TIMP2: variants seen among roughly 807,000 people sequenced by gnomAD.
TIMP2 encodes TIMP metallopeptidase inhibitor 2, also known as metalloproteinase inhibitor 2.
A neutral mutation model predicts 24.3 loss-of-function variants in TIMP2; 5 were observed. The observed-to-expected ratio is 0.21, with a 90% CI of 0.11 to 0.43. The LOEUF (loss-of-function observed/expected upper bound fraction) is 0.43, where lower values mean the gene tolerates loss of function less well. Among genes scored for constraint, TIMP2 ranks in the 20% least tolerant of loss-of-function variants. TIMP2 has a pLI of 1.00. For synonymous variants in TIMP2, 130 were observed against 123.2 expected, an observed-to-expected ratio of 1.06 and a Z score of -0.37; for missense variants, 221 against 297.5, an observed-to-expected ratio of 0.74 and a Z score of 1.89.
chr17:78,871,140 G>A, intron 2 of TIMP2, 134 bp from the exon 3 acceptor site: 2 of 641,314 alleles, frequency 3.1e-6, no homozygotes, highest in East Asian at 5.7e-5. Context: ...ACCAGGAAGT[G>A]CAAATACATG....
chr17:78,880,071 G>A (rs977948712), intron 1 of TIMP2, among the ~76,000 whole-genome samples: 2 of 152,134 alleles, frequency 1.3e-5, no homozygotes, highest in Non-Finnish European at 2.9e-5. Context: ...ACAGTGAAGG[G>A]GGCTTGCTGG....
intron 1 of TIMP2, among the ~76,000 whole-genome samples, chr17:78,917,062 C>A (rs1179757185): frequency 6.6e-6 from 1 of 152,194 alleles, no homozygotes; most frequent in East Asian, 1.9e-4. Context: ...ACCAGCCTGG[C>A]CGACAGGGTG....
At chr17:78,908,927 G>T (rs1052957304) in intron 1 of TIMP2, among the ~76,000 whole-genome samples, 1 of 152,170 alleles carries the variant, frequency 6.6e-6, no homozygotes, top group African/African-American at 2.4e-5. Context: ...GGGCAGGCTG[G>T]TCCTTGGCTT....
chr17:78,870,214 G>A (rs1056020656), intron 3 of TIMP2, among the ~76,000 whole-genome samples: 1 of 152,104 alleles, frequency 6.6e-6, no homozygotes, highest in East Asian at 1.9e-4. Context: ...TCAGGAGTTC[G>A]AGACCAGCCT....
At position 78,873,851 on chromosome 17, in the gene TIMP2, T is replaced by C; in HGVS notation, c.199A>G (p.Lys67Glu). The C allele has an allele frequency of 6.2e-7, 1 of 1,613,252 alleles. No individual in the cohort carries two copies. Residue 67 changes from lysine (K) to glutamate (E), a missense_variant, in exon 2 of 5, where the codon AAG becomes GAG. Physicochemically the swap from Lys to Glu is moderately conservative, Grantham distance 56 (BLOSUM62 1). Coordinates refer to ENST00000262768, the MANE Select transcript of TIMP2 (RefSeq NM_003255.5). ...SGNDIYGNPIKRIQYEIKQIK... is the reference protein window; with the variant it reads ...SGNDIYGNPIERIQYEIKQIK... ...TGCTTGATCTCATACTGGATCCTCT[T>C]GATAGGGTTGCCATAAATGTCGTTT...
chr17:78,893,501 G>A (rs72851227), intron 1 of TIMP2, among the ~76,000 whole-genome samples: 5,301 of 149,740 alleles, frequency 0.035, 128 homozygotes, highest in East Asian at 0.061. Context: ...GTGTGTGCGC[G>A]CAGGGGTGTG....
intron 1 of TIMP2, among the ~76,000 whole-genome samples, chr17:78,881,538 C>T (rs895737163): frequency 2.6e-5 from 4 of 152,264 alleles, no homozygotes; most frequent in Admixed American, 1.3e-4. Flanking sequence ...CTCCACACTG[C>T]GTAGACGCAA....
In TIMP2 at chr17:78,854,911, A is replaced by G. The variant is rs1472003150; in HGVS notation, c.*756T>C. The G allele has an allele frequency of 6.1e-4, 4 of 6,580 alleles. No individual in the cohort carries two copies. The highest frequency in any genetic ancestry group is 6.1e-3 in the South Asian group (1 of 164). The allele number at this position is 6,580 out of a possible 1,614,324, so 0.4% of individuals were successfully genotyped here. A position where few individuals can be genotyped will look rare whatever the true frequency, so the allele number is the denominator to read the frequency against. On this transcript the variant is annotated 3_prime_UTR_variant, in exon 5 of 5. Coordinates refer to ENST00000262768, the MANE Select transcript of TIMP2 (RefSeq NM_003255.5). ...CACCGATTCCTCCTGCAAGCTGGGG[A>G]GCATGTGGGCGGGGGGGGGGGGGTG...
In TIMP2 at chr17:78,896,840, G is replaced by T; in HGVS notation, c.131-22921C>A. 1 of 813,686 alleles carries T rather than the reference G, an allele frequency of 1.2e-6. No homozygotes were observed. Among genetic ancestry groups the T allele is most frequent in the Non-Finnish European group, 1.5e-6 (1 of 673,148 alleles). 50.4% of individuals were successfully genotyped at this position (813,686 alleles called of 1,614,324 possible). On this transcript the variant is annotated intron_variant, in intron 1 of 4. Coordinates refer to ENST00000262768, the MANE Select transcript of TIMP2 (RefSeq NM_003255.5). The surrounding 1 kb of genome is among the most constrained non-coding windows in gnomAD (Gnocchi z 4.4). ...TGCTCTCTACAGCCCCGTGGCCCCAGCGCAGGAGCCAGCCCATGGCAGCTC... is the reference window on the plus strand; with the variant it reads ...TGCTCTCTACAGCCCCGTGGCCCCATCGCAGGAGCCAGCCCATGGCAGCTC...
chr17:78,893,738 C>G (rs912718376), intron 1 of TIMP2, among the ~76,000 whole-genome samples: 1 of 152,052 alleles, frequency 6.6e-6, no homozygotes, highest in African/African-American at 2.4e-5. Flanking sequence ...GGTGTTAGCT[C>G]TCTCTTCATG....
At chr17:78,908,991 A>C (rs1045481014) in intron 1 of TIMP2, among the ~76,000 whole-genome samples, 3 of 152,148 alleles carry the variant, frequency 2.0e-5, no homozygotes, top group African/African-American at 7.2e-5. Context: ...CCAGAAGAGA[A>C]AGTGCTGAAC....
chr17:78,873,051 G>C (rs1205798469), intron 2 of TIMP2, among the ~76,000 whole-genome samples: 1 of 151,998 alleles, frequency 6.6e-6, no homozygotes, highest in African/African-American at 2.4e-5. Context: ...GGCTGGTCTT[G>C]AACTCCTGAC....
intron 1 of TIMP2, among the ~76,000 whole-genome samples, chr17:78,913,095 C>T (rs1179118741): frequency 1.3e-5 from 2 of 152,100 alleles, no homozygotes; most frequent in Non-Finnish European, 2.9e-5. Context: ...AAAATATTTA[C>T]AACAACAGGC....
intron 1 of TIMP2, among the ~76,000 whole-genome samples, chr17:78,876,619 C>CA (rs1567995329): frequency 6.6e-6 from 1 of 152,020 alleles, no homozygotes; most frequent in Non-Finnish European, 1.5e-5. Flanking sequence ...CAGGTTCAAG[C>CA]AATTCTCCTG....
In TIMP2 at chr17:78,920,952, A is replaced by G. The variant is rs148047265; in HGVS notation, c.130+4007T>C. Among the ~76,000 whole-genome samples the G allele has an allele frequency of 1.1e-3, 169 of 152,278 alleles. 1 individual carries two copies. The East Asian group carries it at 0.024, about 22-fold the overall frequency. ...CAGCCACTCCATAATTGCTTGTTGA[A>G]ACACAGACAAGCCCAATATGAAAAT... On this transcript the variant is annotated intron_variant, in intron 1 of 4. Coordinates refer to ENST00000262768, the MANE Select transcript of TIMP2 (RefSeq NM_003255.5). The surrounding 1 kb of genome is among the most constrained non-coding windows in gnomAD (Gnocchi z 4.5).
intron 1 of TIMP2, among the ~76,000 whole-genome samples, chr17:78,884,817 G>A (rs768220768): frequency 1.3e-5 from 2 of 152,198 alleles, no homozygotes; most frequent in Non-Finnish European, 1.5e-5. Context: ...GTCAGGGAGG[G>A]TGCTCTACCC....
chr17:78,903,376 G>T, intron 1 of TIMP2: 1 of 152,470 alleles, frequency 6.6e-6, no homozygotes. Flanking sequence ...CACTGTTTAA[G>T]GAGGTGTGGG....
intron 1 of TIMP2, among the ~76,000 whole-genome samples, chr17:78,893,083 G>A (rs574014909): frequency 2.0e-5 from 3 of 151,832 alleles, no homozygotes; most frequent in African/African-American, 4.8e-5. Context: ...GTGTGCACGC[G>A]TGTGCAGGGG....
At chr17:78,886,482 C>T (rs900761136) in intron 1 of TIMP2, among the ~76,000 whole-genome samples, 2 of 152,252 alleles carry the variant, frequency 1.3e-5, no homozygotes, top group Non-Finnish European at 2.9e-5. Context: ...CAGGCGGCTA[C>T]GCTCCAGGTC....
Sources: gnomAD v4.1 joint callset for allele counts (sites outside exome capture counted in the v4.1 genomes callset) on GRCh38, gnomAD v4.1.1 for gene constraint, Gnocchi (gnomAD v3.1) non-coding constraint, MANE v1.5 for transcripts, NCBI Gene and HGNC (gene_info 2026-07-23, HGNC 2026-07-21) for gene names.